The following FAM98B variants were observed in gnomAD, a reference collection of about 807,000 sequenced individuals.
FAM98B encodes the protein tRNA-splicing ligase complex subunit FAM98B.
FAM98B carries 32 observed loss-of-function variants against 43.9 expected under a neutral mutation model. The observed-to-expected ratio is 0.73, with a 90% CI of 0.55 to 0.98. FAM98B has a LOEUF of 0.98. Among genes scored for constraint, FAM98B ranks in the 50% least tolerant of loss-of-function variants. FAM98B has a pLI of 0.00. For synonymous variants in FAM98B, 190 were observed against 174.0 expected, an observed-to-expected ratio of 1.09 and a Z score of -0.72; for missense variants, 514 against 522.9, an observed-to-expected ratio of 0.98 and a Z score of 0.17.
intron 4 of FAM98B, among the ~76,000 whole-genome samples, chr15:38,472,825 A>G (rs190559939): frequency 1.1e-3 from 160 of 152,258 alleles, no homozygotes; most frequent in African/African-American, 3.7e-3. Context: ...TGGTTTTGTA[A>G]ATATTTTATT....
At chr15:38,460,204 T>C (rs1018541749) in intron 1 of FAM98B, among the ~76,000 whole-genome samples, 2 of 152,210 alleles carry the variant, frequency 1.3e-5, no homozygotes. Context: ...AGTAGCACTT[T>C]GATGAATAAC....
At chr15:38,473,451 A>G (rs918498504) in intron 4 of FAM98B, 54 bp from the exon 5 acceptor site, 9 of 1,275,042 alleles carry the variant, frequency 7.1e-6, no homozygotes, top group Admixed American at 1.9e-5. Context: ...CAAGCATAAG[A>G]TTGTTTTAAA....
rs1181491187 is a variant in FAM98B at position 38,464,167 on chromosome 15, C to A, written c.207C>A (p.Ile69=). The change falls in exon 2 of 8, where the codon ATC becomes ATA. Residue 69 remains isoleucine, a synonymous_variant. Coordinates refer to ENST00000397609, the MANE Select transcript of FAM98B (RefSeq NM_173611.4). ...IKSLCNLEES[I]TSAGRDDLES... ...CATTATGCAACTTGGAAGAAAGTAT[C>A]ACGTCTGCTGGTATTGCCATTATGT... is the stretch of plus-strand genomic sequence containing the variant. The A allele has an allele frequency of 6.2e-7, 1 of 1,612,740 alleles. No individual in the cohort carries two copies.
intron 3 of FAM98B, among the ~76,000 whole-genome samples, chr15:38,465,872 T>C (rs8030506): frequency 6.6e-6 from 1 of 152,142 alleles, no homozygotes; most frequent in African/African-American, 2.4e-5. Flanking sequence ...TTTGTGCCTT[T>C]AGGACACTTT....
rs778085487 is a variant in FAM98B at position 38,454,137 on chromosome 15, C to T, written c.-25C>T. The T allele has an allele frequency of 1.6e-4, 251 of 1,582,346 alleles. 1 individual carries two copies. The South Asian group carries it at 2.1e-3, about 13-fold the overall frequency. ...AGTTTCCGGCGGGCTACTTAGAGCG[C>T]CGAACAGCTCTGGGCCAAAGGACCA... On this transcript the variant is annotated 5_prime_UTR_variant, in exon 1 of 8. Transcript: ENST00000397609.
chr15:38,470,341 C>T lies in FAM98B; in HGVS notation c.467C>T (p.Thr156Ile). The change falls in exon 4 of 8, where the codon ACA becomes ATA. Residue 156 changes from threonine (T) to isoleucine (I), a missense_variant. By Grantham distance (89) the Thr-to-Ile change is moderately conservative (BLOSUM62 -1). Transcript: ENST00000397609. ...VYQEVQAMFD[T>I]LGIPKSTTSD... ...CAGGAAGTTCAAGCTATGTTTGATA[C>T]ACTTGGTATACCCAAGTCAACAACT... 3.1e-6 allele frequency: 5 copies of T among 1,606,618 alleles called. No individual in the cohort carries two copies. Among genetic ancestry groups the T allele is most frequent in the South Asian group, 1.1e-5 (1 of 89,210 alleles).
chr15:38,466,265 T>G (rs1890030167), intron 3 of FAM98B, among the ~76,000 whole-genome samples: 1 of 151,690 alleles, frequency 6.6e-6, no homozygotes. Context: ...TTGTGTGTGT[T>G]GAGTGGGGAT....
chr15:38,480,862 T>A (rs1338766640), intron 6 of FAM98B, among the ~76,000 whole-genome samples: 1 of 152,126 alleles, frequency 6.6e-6, no homozygotes, highest in Non-Finnish European at 1.5e-5. Flanking sequence ...TTATATAGGA[T>A]TATAAGTTAA....
In FAM98B at chr15:38,486,824, G is replaced by C. The variant is rs1169903712; in HGVS notation, c.*2165G>C. Reference sequence around the variant, plus strand: ...AGTTTGCTGAGCAGTATCTGGAATAGCAGGAAGGAAATTTGGGGCCTTAAT... The same window carrying C: ...AGTTTGCTGAGCAGTATCTGGAATACCAGGAAGGAAATTTGGGGCCTTAAT... On this transcript the variant is annotated 3_prime_UTR_variant, in exon 8 of 8. Transcript: ENST00000397609. 1 of 152,080 alleles carries C rather than the reference G, an allele frequency of 6.6e-6. No homozygotes were observed. The highest frequency in any genetic ancestry group is 2.4e-5 in the African/African-American group (1 of 41,432). 9.4% of individuals were successfully genotyped at this position (152,080 alleles called of 1,614,324 possible).
chr15:38,481,597 T>C (rs1283372183), intron 7 of FAM98B, 138 bp downstream of exon 7: 2 of 1,600,514 alleles, frequency 1.2e-6, no homozygotes, highest in African/African-American at 1.3e-5. Flanking sequence ...AGTCTAGGCT[T>C]AGTTATGTTA....
intron 4 of FAM98B, among the ~76,000 whole-genome samples, chr15:38,471,584 A>G (rs1890131002): frequency 6.6e-6 from 1 of 152,100 alleles, no homozygotes; most frequent in Non-Finnish European, 1.5e-5. Flanking sequence ...CGGTTCAAAT[A>G]CTGGCATACT....
chr15:38,458,923 G>GCAACTT (rs1889898434), intron 1 of FAM98B: 2 of 430,684 alleles, frequency 4.6e-6, no homozygotes, highest in Non-Finnish European at 9.3e-6. Flanking sequence ...CCAGGATGAG[G>GCAACTT]GTTTTCCTCA....
At chr15:38,454,906 G>A (rs1889824952) in intron 1 of FAM98B, among the ~76,000 whole-genome samples, 1 of 152,166 alleles carries the variant, frequency 6.6e-6, no homozygotes. Context: ...AGAATGGTAA[G>A]TGCTGTGAGA....
intron 1 of FAM98B, chr15:38,458,821 G>A (rs1280959167): frequency 2.1e-6 from 1 of 480,896 alleles, no homozygotes; most frequent in Non-Finnish European, 4.2e-6. Context: ...CTGGGAACAG[G>A]TTCAGCAACT....
intron 4 of FAM98B, among the ~76,000 whole-genome samples, chr15:38,471,189 T>C (rs1383424662): frequency 6.6e-6 from 1 of 152,128 alleles, no homozygotes; most frequent in East Asian, 1.9e-4. Flanking sequence ...AAATCCTTGT[T>C]CAGTAAAGAT....
chr15:38,459,278 A>G (rs572360797), intron 1 of FAM98B: 18 of 493,936 alleles, frequency 3.6e-5, no homozygotes, highest in Non-Finnish European at 6.1e-5. Context: ...ACCTTGGGGC[A>G]GACACGTCCC....
At chr15:38,461,363 TC>T (rs1197257370) in intron 1 of FAM98B, among the ~76,000 whole-genome samples, 2 of 152,146 alleles carry the variant, frequency 1.3e-5, no homozygotes, top group Non-Finnish European at 2.9e-5. Context: ...CTTGGCTGTA[TC>T]AACTGGACCA....
intron 6 of FAM98B, among the ~76,000 whole-genome samples, chr15:38,480,213 A>G (rs1178562047): frequency 2.0e-5 from 3 of 152,126 alleles, no homozygotes; most frequent in Admixed American, 6.5e-5. Flanking sequence ...CAAACAGTTA[A>G]CTTTTTGTTC....
Position 38,484,371 on chromosome 15 carries a change from G to GGGTGGTGGTGGTGGA in FAM98B, c.1024_1038dup (p.Gly342_Gly346dup). On this transcript the variant is annotated inframe_insertion, in exon 8 of 8. Coordinates refer to ENST00000397609, the MANE Select transcript of FAM98B (RefSeq NM_173611.4). The stretch of plus-strand genomic sequence containing the variant: ...AAGGCGGCGGTGGAAGGGGTGGTTG[G>GGGTGGTGGTGGTGGA]GGTGGTGGTGGTGGAGGTGGTGGTA... The GGGTGGTGGTGGTGGA allele has an allele frequency of 1.3e-6, 2 of 1,514,374 alleles. No individual in the cohort carries two copies. Among genetic ancestry groups the GGGTGGTGGTGGTGGA allele is most frequent in the Admixed American group, 2.1e-5 (1 of 46,874 alleles). 93.8% of individuals were successfully genotyped at this position (1,514,374 alleles called of 1,614,324 possible). A position where few individuals can be genotyped will look rare whatever the true frequency, so the allele number is the denominator to read the frequency against.
Sources: allele counts gnomAD v4.1 joint callset (sites outside exome capture counted in the v4.1 genomes callset), GRCh38; gene constraint gnomAD v4.1.1; transcripts MANE v1.5; gene names NCBI Gene and HGNC (gene_info 2026-07-23, HGNC 2026-07-21).